Variants in CRADD observed in about 807,000 individuals in gnomAD.
CRADD encodes death domain-containing protein CRADD.
CRADD carries 9 observed loss-of-function variants against 15.5 expected under a neutral mutation model. The observed-to-expected ratio is 0.58, with a 90% CI of 0.35 to 1.01. The LOEUF is 1.01. Ranked by LOEUF, CRADD falls within the 50% of genes least tolerant of loss-of-function variation. The pLI is 0.02. For synonymous variants in CRADD, 118 were observed against 107.6 expected (o/e 1.10, Z -0.60); for missense variants, 227 against 250.3 (o/e 0.91, Z 0.63).
At chr12:93,894,806 C>T (rs1312989613), downstream of CRADD, 2 of 152,510 alleles carry the variant, frequency 1.3e-5, no homozygotes, top group Non-Finnish European at 2.9e-5. Flanking sequence ...AGCACTCGGT[C>T]TCCCCTTCAG....
At chr12:93,732,837 C>G (rs1293798534) in intron 2 of CRADD, among the ~76,000 whole-genome samples, 1 of 152,150 alleles carries the variant, frequency 6.6e-6, no homozygotes, top group African/African-American at 2.4e-5. Flanking sequence ...ATTAAATGTT[C>G]AGTAAGTGGT....
intron 2 of CRADD, among the ~76,000 whole-genome samples, chr12:93,738,800 AAGAG>A (rs373465983): frequency 1.1e-4 from 16 of 151,268 alleles, no homozygotes; most frequent in African/African-American, 3.9e-4. Flanking sequence ...TAGAAAGAAA[AAGAG>A]AAGAGAGAGA....
Position 93,814,231 on chromosome 12 carries a change from A to G in CRADD, c.299-35739A>G, listed in dbSNP as rs566153754. On this transcript the variant is annotated intron_variant, in intron 2 of 2. Transcript: ENST00000332896. ...AGCAAATTGTTCCCGCTGAATACAC[A>G]CACTATGTCCGCTATGGGGCAAGGC... Among the ~76,000 whole-genome samples, 9 of 152,178 alleles carry G rather than the reference A, an allele frequency of 5.9e-5. No individual in the cohort carries two copies. In the South Asian group the frequency reaches 1.5e-3, roughly 25 times the overall value.
chr12:93,886,092 G>A (rs1370239068), intron 2 of CRADD, among the ~76,000 whole-genome samples: 3 of 151,178 alleles, frequency 2.0e-5, no homozygotes, highest in African/African-American at 7.3e-5. Flanking sequence ...GCAAAGGTAA[G>A]GAATCAGTCT....
At chr12:93,760,593 G>A (rs1038141625) in intron 2 of CRADD, among the ~76,000 whole-genome samples, 1 of 152,132 alleles carries the variant, frequency 6.6e-6, no homozygotes, top group Non-Finnish European at 1.5e-5. Context: ...CTCACAGTAT[G>A]CCCAATCAGA....
intron 2 of CRADD, chr12:93,859,571 A>G: frequency 6.4e-6 from 2 of 311,174 alleles, no homozygotes; most frequent in South Asian, 6.1e-5. Context: ...AATAACTCAA[A>G]GGAAAGGAAG....
chr12:93,875,652 T>C (rs1958453183), intron 2 of CRADD, among the ~76,000 whole-genome samples: 1 of 152,042 alleles, frequency 6.6e-6, no homozygotes. Flanking sequence ...ACCAACACTG[T>C]TTGCATAAAC....
chr12:93,841,178 A>G (rs1777607086), intron 2 of CRADD, among the ~76,000 whole-genome samples: 2 of 152,190 alleles, frequency 1.3e-5, no homozygotes, highest in African/African-American at 2.4e-5. Context: ...CGTAGGATAC[A>G]TTCTACTTGT....
intron 2 of CRADD, among the ~76,000 whole-genome samples, chr12:93,845,865 A>G (rs943666490): frequency 3.3e-5 from 5 of 152,318 alleles, no homozygotes; most frequent in Non-Finnish European, 5.9e-5. Flanking sequence ...GTACCTTCAC[A>G]TTGTTTTATA....
At chr12:93,851,196 G>A (rs547250706), downstream of CRADD, among the ~76,000 whole-genome samples, 4 of 152,250 alleles carry the variant, frequency 2.6e-5, no homozygotes, top group South Asian at 8.3e-4. Context: ...TTTCCTGTAT[G>A]TGATCTCATT....
chr12:93,772,706 T>C (rs560097317), intron 2 of CRADD, among the ~76,000 whole-genome samples: 79 of 152,368 alleles, frequency 5.2e-4, no homozygotes, highest in African/African-American at 1.4e-3. Context: ...GATATGGGCT[T>C]AGTAGGAGCT....
At chr12:93,817,036 A>C (rs1593014695) in intron 2 of CRADD, among the ~76,000 whole-genome samples, 1 of 152,342 alleles carries the variant, frequency 6.6e-6, no homozygotes, top group Non-Finnish European at 1.5e-5. Flanking sequence ...ATAATTTTAC[A>C]AATATAGTAT....
chr12:93,781,765 T>TTA (rs1207796715), intron 2 of CRADD, among the ~76,000 whole-genome samples: 1 of 152,206 alleles, frequency 6.6e-6, no homozygotes, highest in Non-Finnish European at 1.5e-5. Context: ...CAGAGGAACA[T>TTA]GCTAAACACC....
At chr12:93,788,658 C>T (rs1957311343) in intron 2 of CRADD, among the ~76,000 whole-genome samples, 1 of 152,104 alleles carries the variant, frequency 6.6e-6, no homozygotes, top group Admixed American at 6.6e-5. Context: ...GTCTAGATAT[C>T]CTCCACCTGA....
chr12:93,865,383 A>G (rs1449727928), intron 2 of CRADD, among the ~76,000 whole-genome samples: 1 of 152,146 alleles, frequency 6.6e-6, no homozygotes, highest in Non-Finnish European at 1.5e-5. Flanking sequence ...AAAATGATGT[A>G]GTATTGGCAT....
chr12:93,839,725 G>A lies in CRADD; in HGVS notation c.299-10245G>A, dbSNP rs886743661. ...CTCGCTTTTGTGTTTCCTCTAATTC[G>A]AATCACCTGTTCATACCTTTGTTCT... On this transcript the variant is annotated intron_variant, in intron 2 of 2. Coordinates refer to ENST00000332896, the MANE Select transcript of CRADD (RefSeq NM_003805.5). Among the ~76,000 whole-genome samples, 4 of 152,024 alleles carry A rather than the reference G, an allele frequency of 2.6e-5. 1 individual carries two copies. The highest frequency in any genetic ancestry group is 6.6e-5 in the Admixed American group (1 of 15,256).
intron 2 of CRADD, among the ~76,000 whole-genome samples, chr12:93,814,669 C>T (rs1027158531): frequency 6.6e-6 from 1 of 152,168 alleles, no homozygotes; most frequent in African/African-American, 2.4e-5. Context: ...GTCACGAGGC[C>T]TGCATTCTCC....
chr12:93,834,637 C>G (rs7976905), intron 2 of CRADD, among the ~76,000 whole-genome samples: 2 of 152,206 alleles, frequency 1.3e-5, no homozygotes, highest in South Asian at 4.2e-4. Context: ...TACAGGCCTG[C>G]GCCACCACAT....
At chr12:93,874,783 G>C (rs1405319537) in intron 2 of CRADD, among the ~76,000 whole-genome samples, 2 of 152,016 alleles carry the variant, frequency 1.3e-5, no homozygotes, top group Non-Finnish European at 2.9e-5. Context: ...GAGAGAAGAT[G>C]CTTGTCATTA....
Sources: gnomAD v4.1 joint callset for allele counts (sites outside exome capture counted in the v4.1 genomes callset) on GRCh38, gnomAD v4.1.1 for gene constraint, MANE v1.5 for transcripts, NCBI Gene and HGNC (gene_info 2026-07-23, HGNC 2026-07-21) for gene names.